The following KSR1 variants were observed in gnomAD, a reference collection of about 807,000 sequenced individuals.
The protein encoded by KSR1 is kinase suppressor of ras 1, also known as kinase suppressor of ras.
In KSR1, 35 loss-of-function variants were observed where a neutral mutation model predicts 92.9. That is an observed-to-expected ratio of 0.38 (90% CI 0.29 to 0.50). The LOEUF is 0.50. KSR1 is among the 20% of genes least tolerant of loss of function. KSR1 has a pLI of 0.94. For synonymous variants in KSR1, 467 were observed against 472.6 expected (o/e 0.99, Z 0.15); for missense variants, 972 against 1,158.5 (o/e 0.84, Z 2.34).
intron 19 of KSR1, among the ~76,000 whole-genome samples, chr17:27,618,212 T>G (rs975033387): frequency 6.6e-6 from 1 of 151,802 alleles, no homozygotes; most frequent in Admixed American, 6.6e-5. Context: ...AGAAGCTCTC[T>G]CCCTCCTGGT....
intron 1 of KSR1, among the ~76,000 whole-genome samples, chr17:27,535,002 C>T (rs1432833203): frequency 6.6e-6 from 1 of 152,190 alleles, no homozygotes; most frequent in African/African-American, 2.4e-5. Context: ...TTAGGAAAAG[C>T]GTGTGGATGT....
At chr17:27,616,668 C>T (rs935461025) in intron 18 of KSR1, among the ~76,000 whole-genome samples, 3 of 152,138 alleles carry the variant, frequency 2.0e-5, no homozygotes, top group African/African-American at 4.8e-5. Flanking sequence ...CCTGCCTGGT[C>T]GTATGTGCAA....
intron 3 of KSR1, among the ~76,000 whole-genome samples, chr17:27,580,358 C>T (rs2072703272): frequency 6.6e-6 from 1 of 152,084 alleles, no homozygotes; most frequent in Non-Finnish European, 1.5e-5. Flanking sequence ...CTAGTCGGTT[C>T]CTGAATAGAA....
chr17:27,592,590 C>T lies in KSR1; in HGVS notation c.1263C>T (p.Pro421=). Reference sequence around the variant, plus strand: ...ACCCGGTGGACAGAGCAGCCGAACCCCATTTTGGAACCCTCCCCAAAGCAC... The same window carrying T: ...ACCCGGTGGACAGAGCAGCCGAACCTCATTTTGGAACCCTCCCCAAAGCAC... The part of the protein sequence containing the change: ...INNPVDRAAE[P]HFGTLPKALT... Residue 421 remains proline, a synonymous_variant, in exon 9 of 21, where the codon CCC becomes CCT. Coordinates refer to ENST00000644974, the MANE Select transcript of KSR1 (RefSeq NM_001394583.1). 6.2e-7 allele frequency: 1 copy of T among 1,613,924 alleles called. No individual in the cohort carries two copies.
intron 7 of KSR1, 65 bp downstream of exon 7, chr17:27,590,959 T>G: frequency 9.9e-6 from 13 of 1,307,034 alleles, no homozygotes; most frequent in African/African-American, 1.5e-5. Flanking sequence ...CAAATGCGCT[T>G]CCCTATGCTT....
intron 1 of KSR1, among the ~76,000 whole-genome samples, chr17:27,507,210 A>G (rs1157262969): frequency 6.6e-6 from 1 of 152,166 alleles, no homozygotes; most frequent in Admixed American, 6.5e-5. Context: ...CGAGGCAGGC[A>G]GATTACGAGG....
At chr17:27,460,453 G>A (rs976662737) in intron 1 of KSR1, among the ~76,000 whole-genome samples, 7 of 152,182 alleles carry the variant, frequency 4.6e-5, no homozygotes, top group Non-Finnish European at 5.9e-5. Context: ...GCAAGCTGGC[G>A]TGGAGAAAGG....
chr17:27,479,599 T>G (rs936495151), intron 1 of KSR1, among the ~76,000 whole-genome samples: 2 of 152,188 alleles, frequency 1.3e-5, no homozygotes, highest in African/African-American at 2.4e-5. Flanking sequence ...TTGAGACCCC[T>G]TCATCTCCTT....
intron 1 of KSR1, among the ~76,000 whole-genome samples, chr17:27,470,305 G>A (rs879439192): frequency 2.4e-4 from 36 of 147,700 alleles, no homozygotes; most frequent in Admixed American, 4.1e-4. Context: ...GCAGTGGTGC[G>A]ATCTCGGCTC....
intron 4 of KSR1, among the ~76,000 whole-genome samples, chr17:27,584,359 T>C (rs903221747): frequency 3.9e-5 from 6 of 152,172 alleles, no homozygotes; most frequent in Admixed American, 2.6e-4. Flanking sequence ...GGATGGAGCC[T>C]GGACAGCTCC....
chr17:27,464,083 A>G (rs1472547016), intron 1 of KSR1, among the ~76,000 whole-genome samples: 1 of 152,078 alleles, frequency 6.6e-6, no homozygotes, highest in Non-Finnish European at 1.5e-5. Context: ...AAGACATTAT[A>G]CCACCTTGAG....
intron 2 of KSR1, among the ~76,000 whole-genome samples, chr17:27,554,113 A>G (rs1488919249): frequency 6.6e-6 from 1 of 152,232 alleles, no homozygotes; most frequent in East Asian, 1.9e-4. Flanking sequence ...AGTATTCAGA[A>G]GCCAGAGTTC....
intron 1 of KSR1, among the ~76,000 whole-genome samples, chr17:27,486,164 G>A (rs774499840): frequency 1.3e-5 from 2 of 152,236 alleles, no homozygotes; most frequent in Non-Finnish European, 2.9e-5. Flanking sequence ...AAACCATCCT[G>A]CTTTCTTAAC....
At chr17:27,466,207 T>A (rs1435665153) in intron 1 of KSR1, among the ~76,000 whole-genome samples, 2 of 152,368 alleles carry the variant, frequency 1.3e-5, no homozygotes, top group East Asian at 3.9e-4. Context: ...GTTGGCTCAC[T>A]TACAACCAAG....
At chr17:27,576,295 C>T (rs2072503100) in intron 2 of KSR1, among the ~76,000 whole-genome samples, 1 of 152,092 alleles carries the variant, frequency 6.6e-6, no homozygotes, top group Non-Finnish European at 1.5e-5. Context: ...TGCCTGAAAC[C>T]ATGGATAGTA....
chr17:27,491,013 G>C (rs1429201129), intron 1 of KSR1, among the ~76,000 whole-genome samples: 2 of 152,102 alleles, frequency 1.3e-5, no homozygotes, highest in African/African-American at 4.8e-5. Context: ...AATATATATA[G>C]TATGATCCTT....
intron 1 of KSR1, among the ~76,000 whole-genome samples, chr17:27,477,186 T>C (rs898488841): frequency 7.9e-5 from 12 of 152,212 alleles, no homozygotes; most frequent in African/African-American, 2.2e-4. Context: ...GGGTTTTAGC[T>C]GGCTTCTTTG....
intron 1 of KSR1, 40 bp from the exon 2 acceptor site, chr17:27,550,528 G>GCAGATGAA: frequency 1.3e-6 from 1 of 760,092 alleles, no homozygotes; most frequent in Non-Finnish European, 2.4e-6. Context: ...TGGTTGGGCT[G>GCAGATGAA]CAGATGAACA....
Position 27,601,341 on chromosome 17 carries a change from C to A in KSR1, c.1469-19C>A. The A allele has an allele frequency of 6.2e-7, 1 of 1,611,150 alleles. No individual in the cohort carries two copies. Among genetic ancestry groups the A allele is most frequent in the Admixed American group, 1.7e-5 (1 of 59,944 alleles). On this transcript the variant is annotated intron_variant, in intron 10 of 20. Transcript: ENST00000644974. ...TTGGCCGTTCTGTGTGTGTGACTCA[C>A]CTCCTCTTCTGTTTAAAGCTGCCTA...
Sources: gnomAD v4.1 joint callset for allele counts (sites outside exome capture counted in the v4.1 genomes callset) on GRCh38, gnomAD v4.1.1 for gene constraint, MANE v1.5 for transcripts, NCBI Gene and HGNC (gene_info 2026-07-23, HGNC 2026-07-21) for gene names.